UNKL: variants seen among roughly 807,000 people sequenced by gnomAD.
UNKL encodes putative E3 ubiquitin-protein ligase UNKL.
In UNKL, 60 loss-of-function variants were observed where a neutral mutation model predicts 78.0. The observed-to-expected ratio is 0.77, with a 90% CI of 0.63 to 0.95. The LOEUF is 0.95. Ranked by LOEUF, UNKL falls within the 40% of genes least tolerant of loss-of-function variation. The probability of loss-of-function intolerance (pLI) is 0.00; values close to 1 mark genes in which losing one functional copy is unlikely to be tolerated. For missense variants in UNKL, 1,159 were observed against 1,045.7 expected, an observed-to-expected ratio of 1.11 and a Z score of -1.49; for synonymous variants, 608 against 474.8, an observed-to-expected ratio of 1.28 and a Z score of -3.65.
At chr16:1,371,479 C>T (rs368235080) in intron 11 of UNKL, 40 bp downstream of exon 11, 40 of 1,525,220 alleles carry the variant, frequency 2.6e-5, no homozygotes, top group Admixed American at 7.9e-5. Flanking sequence ...GGCTGTTCAG[C>T]GGCTGGAGGA....
intron 9 of UNKL, 35 bp downstream of exon 9, chr16:1,390,597 C>T: frequency 2.6e-6 from 4 of 1,534,854 alleles, no homozygotes; most frequent in Non-Finnish European, 3.5e-6. Flanking sequence ...AACGCGACAT[C>T]AGGCACGAGG....
intron 2 of UNKL, among the ~76,000 whole-genome samples, chr16:1,410,301 T>C (rs915761702): frequency 1.4e-5 from 2 of 145,876 alleles, no homozygotes; most frequent in Admixed American, 6.9e-5. Flanking sequence ...AGATGCTTTA[T>C]CTTTATGCAT....
At chr16:1,405,530 C>T (rs535174625) in intron 2 of UNKL, among the ~76,000 whole-genome samples, 1 of 151,512 alleles carries the variant, frequency 6.6e-6, no homozygotes, top group Non-Finnish European at 1.5e-5. Flanking sequence ...GAACCGAGAT[C>T]GCGCCACTGT....
chr16:1,371,353 C>G (rs1001043695), intron 11 of UNKL, among the ~76,000 whole-genome samples, 166 bp downstream of exon 11: 2 of 152,152 alleles, frequency 1.3e-5, no homozygotes, highest in Non-Finnish European at 2.9e-5. Flanking sequence ...CCTCCCGCTC[C>G]GAAAACCAGA....
At chr16:1,396,887 A>G (rs1319757833) in intron 6 of UNKL, among the ~76,000 whole-genome samples, 2 of 152,128 alleles carry the variant, frequency 1.3e-5, no homozygotes, top group Non-Finnish European at 2.9e-5. Flanking sequence ...CCCAGACCTG[A>G]ATATGTATGT....
At chr16:1,377,967 T>C (rs1479439345) in intron 10 of UNKL, among the ~76,000 whole-genome samples, 1 of 152,238 alleles carries the variant, frequency 6.6e-6, no homozygotes, top group East Asian at 1.9e-4. Flanking sequence ...TCCTGAATCC[T>C]GACCTGCAAG....
At chr16:1,408,239 G>A (rs1596772701) in intron 2 of UNKL, among the ~76,000 whole-genome samples, 1 of 147,106 alleles carries the variant, frequency 6.8e-6, no homozygotes, top group East Asian at 2.0e-4. Context: ...GGGGCCTCAA[G>A]GCCACGCCCA....
intron 10 of UNKL, among the ~76,000 whole-genome samples, chr16:1,375,581 C>T (rs1419466043): frequency 6.6e-6 from 1 of 152,178 alleles, no homozygotes; most frequent in African/African-American, 2.4e-5. Flanking sequence ...GCGGGAGTGG[C>T]CTCCACTCCC....
chr16:1,395,988 G>A (rs1166280904), intron 6 of UNKL, among the ~76,000 whole-genome samples: 2 of 152,136 alleles, frequency 1.3e-5, no homozygotes, highest in African/African-American at 2.4e-5. Flanking sequence ...TATCCCCCAG[G>A]CTGGAGTGCA....
chr16:1,406,110 C>A (rs1386218283), intron 2 of UNKL: 2 of 453,374 alleles, frequency 4.4e-6, no homozygotes. Context: ...ACACGACTCC[C>A]TTCCAGCTTA....
At position 1,370,135 on chromosome 16, in the gene UNKL, G is replaced by T. The variant is rs1412131257; in HGVS notation, c.1580C>A (p.Pro527His). ...TLGSAASSYS[P>H]LGLNGVPGSI... ...TGGAGGGAGCCGGCACTCACCTAGG[G>T]GGCTGTAGGATGAGGCTGCAGAGCC... is the stretch of plus-strand genomic sequence containing the variant. The change falls in exon 12 of 15, where the codon CCC (proline) becomes CAC (histidine). Residue 527 changes from proline to histidine, a missense_variant. Pro to His is a moderately conservative substitution (Grantham distance 77). Transcript: ENST00000389221. The T allele has an allele frequency of 5.9e-6, 9 of 1,526,798 alleles. No homozygotes were observed. The highest frequency in any genetic ancestry group is 7.9e-6 in the Non-Finnish European group (9 of 1,133,022). 94.6% of individuals were successfully genotyped at this position (1,526,798 alleles called of 1,614,324 possible).
intron 9 of UNKL, among the ~76,000 whole-genome samples, chr16:1,388,548 C>A (rs1438940076): frequency 6.6e-6 from 1 of 152,142 alleles, no homozygotes; most frequent in African/African-American, 2.4e-5. Flanking sequence ...CAGGGTGATG[C>A]GCACACTGTG....
intron 2 of UNKL, among the ~76,000 whole-genome samples, chr16:1,413,242 T>G (rs2038123000): frequency 2.6e-5 from 1 of 38,036 alleles, no homozygotes; most frequent in Non-Finnish European, 4.3e-5. Flanking sequence ...AGACCCTGTC[T>G]CAAAAAAAAA....
rs1002454820 is a variant in UNKL, at chr16:1,392,974, T to C, written c.940A>G (p.Ser314Gly). 5.0e-5 allele frequency: 78 copies of C among 1,550,286 alleles called. No homozygotes were observed. Among genetic ancestry groups the C allele is most frequent in the Non-Finnish European group, 6.3e-5 (72 of 1,146,974 alleles). Residue 314 changes from serine to glycine, a missense_variant and splice_region_variant, in exon 8 of 15, where the codon AGC becomes GGC. Physicochemically the swap from Ser to Gly is moderately conservative, Grantham distance 56. Transcript: ENST00000389221. Reference sequence around the variant, plus strand: ...CCCCATTCATTCACCATCCCCAGGCTCTCTGCAAGGACAGGGGAGCAGCAG... The same window carrying C: ...CCCCATTCATTCACCATCCCCAGGCCCTCTGCAAGGACAGGGGAGCAGCAG... The part of the protein sequence containing the change: ...PFCAFAHVEK[S>G]LGMVNEWGCH...
chr16:1,401,820 T>C, intron 3 of UNKL, 119 bp from the exon 4 acceptor site: 1 of 1,394,168 alleles, frequency 7.2e-7, no homozygotes, highest in African/African-American at 1.4e-5. Flanking sequence ...TGCCGAAGGG[T>C]TCAGGACGGA....
chr16:1,387,487 A>G lies in UNKL; in HGVS notation c.1087-2102T>C, dbSNP rs116288699. On this transcript the variant is annotated intron_variant, in intron 9 of 14. Transcript: ENST00000389221. The surrounding 1 kb of genome is among the most constrained non-coding windows in gnomAD (Gnocchi z 4.1). The stretch of plus-strand genomic sequence containing the variant: ...ACGTTCTGGTGACCAGACATCCAGG[A>G]GCAACGCACACCTGGGAGCTCCTTG... Among the ~76,000 whole-genome samples the G allele has an allele frequency of 0.016, 2,468 of 152,272 alleles. 66 individuals are homozygous for G. Among genetic ancestry groups the G allele is most frequent in the African/African-American group, 0.055 (2,282 of 41,538 alleles).
At chr16:1,394,374 T>C (rs1251056413) in intron 6 of UNKL, 159 bp from the exon 7 acceptor site, 1 of 836,420 alleles carries the variant, frequency 1.2e-6, no homozygotes, top group Admixed American at 2.0e-5. Flanking sequence ...CGTGTGCCCT[T>C]GGTCCCCACA....
In UNKL at chr16:1,401,527, G is replaced by GCC. The variant is rs200363242; in HGVS notation, c.598+39_598+40dup. 458 of 1,405,540 alleles carry GCC rather than the reference G, an allele frequency of 3.3e-4. 1 individual carries two copies. Among genetic ancestry groups the GCC allele is most frequent in the South Asian group, 1.6e-3 (107 of 68,946 alleles). 87.1% of individuals were successfully genotyped at this position (1,405,540 alleles called of 1,614,324 possible). A position where few individuals can be genotyped will look rare whatever the true frequency, so the allele number is the denominator to read the frequency against. ...CCCGAGCTGTTCTCGCGCTGTGCCCGCCCCCCCCACCACCGCCCTCAGCTG... is the reference window on the plus strand; with the variant it reads ...CCCGAGCTGTTCTCGCGCTGTGCCCGCCCCCCCCCCACCACCGCCCTCAGCTG... On this transcript the variant is annotated intron_variant, in intron 4 of 14. Transcript: ENST00000389221.
At position 1,366,401 on chromosome 16, in the gene UNKL, G is replaced by A. The variant is rs1191828518; in HGVS notation, c.2047-6C>T. Reference sequence around the variant, plus strand: ...GCGCGGAGCTGGAAGATCACCTGCAGGGCCAGAACAATGACGGGCTCAGGA... The same window carrying A: ...GCGCGGAGCTGGAAGATCACCTGCAAGGCCAGAACAATGACGGGCTCAGGA... On this transcript the variant is annotated splice_polypyrimidine_tract_variant and splice_region_variant and intron_variant, in intron 14 of 14. Coordinates refer to ENST00000389221, the MANE Select transcript of UNKL (RefSeq NM_001372107.1). 6 of 1,578,104 alleles carry A rather than the reference G, an allele frequency of 3.8e-6. No homozygotes were observed. The highest frequency in any genetic ancestry group is 1.1e-5 in the South Asian group (1 of 88,526).
Sources: gnomAD v4.1 joint callset for allele counts (sites outside exome capture counted in the v4.1 genomes callset) on GRCh38, gnomAD v4.1.1 for gene constraint, Gnocchi (gnomAD v3.1) non-coding constraint, MANE v1.5 for transcripts, NCBI Gene and HGNC (gene_info 2026-07-23, HGNC 2026-07-21) for gene names.